The following PDXDC1 variants were observed in gnomAD, a reference collection of about 807,000 sequenced individuals.
PDXDC1 encodes the protein pyridoxal-dependent decarboxylase domain-containing protein 1.
PDXDC1 carries 42 observed loss-of-function variants against 100.1 expected under a neutral mutation model. That is an observed-to-expected ratio of 0.42 (90% CI 0.33 to 0.54). PDXDC1 has a LOEUF of 0.54. PDXDC1 is among the 20% of genes least tolerant of loss of function. PDXDC1 has a pLI of 0.10. For missense variants in PDXDC1, 636 were observed against 979.2 expected (o/e 0.65, Z 4.68); for synonymous variants, 260 against 371.7 (o/e 0.70, Z 3.46).
At chr16:15,010,831 CATTT>C (rs2041200346) in intron 8 of PDXDC1, among the ~76,000 whole-genome samples, 1 of 152,256 alleles carries the variant, frequency 6.6e-6, no homozygotes, top group African/African-American at 2.4e-5. Flanking sequence ...TTTTAAATGT[CATTT>C]ATAATAGGAT....
chr16:15,148,103 C>T, the PDXDC1 span, among the ~76,000 whole-genome samples: 1 of 151,784 alleles, frequency 6.6e-6, no homozygotes, highest in Non-Finnish European at 1.5e-5. Flanking sequence ...ATCCTCCCCC[C>T]TCAGCCTCCC....
intron 16 of PDXDC1, among the ~76,000 whole-genome samples, chr16:15,056,345 A>C (rs769458438): frequency 1.1e-4 from 16 of 152,216 alleles, no homozygotes; most frequent in Non-Finnish European, 2.1e-4. Flanking sequence ...CCTCCGGGCG[A>C]GTTCCTGGGG....
intron 16 of PDXDC1, chr16:15,068,386 T>C: frequency 2.2e-6 from 3 of 1,386,228 alleles, no homozygotes; most frequent in South Asian, 3.0e-5. Context: ...CTTTAAAAAA[T>C]TATTTGCAGA....
intron 16 of PDXDC1, among the ~76,000 whole-genome samples, chr16:15,091,657 G>A (rs538503470): frequency 8.6e-5 from 13 of 152,044 alleles, no homozygotes; most frequent in Non-Finnish European, 1.5e-4. Context: ...AAAGCATGAG[G>A]GAAAAAAACA....
At chr16:14,974,988 A>G (rs1469725793), upstream of PDXDC1, 1 of 1,535,086 alleles carries the variant, frequency 6.5e-7, no homozygotes, top group Non-Finnish European at 8.7e-7. Flanking sequence ...GGAATCCCAG[A>G]GGGCTCCGCC....
chr16:15,148,401 T>G, the PDXDC1 span, among the ~76,000 whole-genome samples: 19 of 102,538 alleles, frequency 1.9e-4, no homozygotes, highest in South Asian at 3.4e-4. Flanking sequence ...TTTTTTTTTT[T>G]GAGACAGGGT....
At chr16:15,125,520 C>T in intron 16 of PDXDC1, 3 of 1,525,016 alleles carry the variant, frequency 2.0e-6, no homozygotes, top group Non-Finnish European at 2.7e-6. Flanking sequence ...TGACCTGCAC[C>T]AGGGCTCGAG....
At chr16:15,017,984 G>A (rs181556731) in intron 11 of PDXDC1, among the ~76,000 whole-genome samples, 18 of 152,330 alleles carry the variant, frequency 1.2e-4, no homozygotes, top group African/African-American at 4.1e-4. Context: ...AGTAGAGGCA[G>A]TGTTTCACCA....
chr16:15,143,913 G>T (rs765169965), downstream of PDXDC1, among the ~76,000 whole-genome samples: 1 of 152,190 alleles, frequency 6.6e-6, no homozygotes, highest in Non-Finnish European at 1.5e-5. Flanking sequence ...TGTGGTCAGC[G>T]GCGGGCGTGT....
At chr16:15,093,824 C>T in intron 16 of PDXDC1, 1 of 412,012 alleles carries the variant, frequency 2.4e-6, no homozygotes, top group East Asian at 5.2e-5. Flanking sequence ...CAGGGAAATC[C>T]CTTCCAAATT....
At chr16:14,990,178 G>T (rs867501865) in intron 1 of PDXDC1, 27 of 1,282,228 alleles carry the variant, frequency 2.1e-5, no homozygotes, top group Non-Finnish European at 2.7e-5. Context: ...CCAGGCGCGG[G>T]CAAGGGCGCG....
Position 15,111,286 on chromosome 16 carries a change from G to A in PDXDC1, c.1400-27593G>A. ...AGCCTCACCAACATGGAGAAACGCT[G>A]TCTCTGCTAAAAATACAAAATTAGC... On this transcript the variant is annotated intron_variant, in intron 16 of 16. Transcript: ENST00000535621. 1.4e-5 allele frequency among the ~76,000 whole-genome samples: 2 copies of A among 146,312 alleles called. 1 individual carries two copies. The highest frequency in any genetic ancestry group is 3.0e-5 in the Non-Finnish European group (2 of 65,646).
intron 16 of PDXDC1, chr16:15,074,983 C>T: frequency 3.9e-6 from 4 of 1,022,116 alleles, no homozygotes; most frequent in Non-Finnish European, 5.6e-6. Context: ...GGGAAAGCGG[C>T]TCACATCTAT....
chr16:14,986,137 A>G (rs1459843387), intron 1 of PDXDC1, among the ~76,000 whole-genome samples: 5 of 152,402 alleles, frequency 3.3e-5, no homozygotes, highest in East Asian at 3.9e-4. Flanking sequence ...TCACGAAGGT[A>G]TGAATAGTAG....
At chr16:15,097,938 C>CTTTTTTT (rs35852184) in intron 16 of PDXDC1, among the ~76,000 whole-genome samples, 33 of 89,634 alleles carry the variant, frequency 3.7e-4, no homozygotes, top group African/African-American at 3.5e-4. Flanking sequence ...CAACATTATG[C>CTTTTTTT]TTTTTTTTTT....
the PDXDC1 span, among the ~76,000 whole-genome samples, chr16:15,144,580 G>A: frequency 1.3e-5 from 2 of 152,146 alleles, no homozygotes; most frequent in African/African-American, 4.8e-5. Context: ...CCCGGACACG[G>A]GGTGTGAGAC....
chr16:15,147,922 T>C, the PDXDC1 span, among the ~76,000 whole-genome samples: 1 of 152,114 alleles, frequency 6.6e-6, no homozygotes, highest in African/African-American at 2.4e-5. Flanking sequence ...CCTGACCTTG[T>C]GATCCCCCCA....
intron 16 of PDXDC1, among the ~76,000 whole-genome samples, chr16:15,082,328 T>C (rs2045741885): frequency 1.3e-5 from 2 of 152,304 alleles, no homozygotes; most frequent in African/African-American, 2.4e-5. Flanking sequence ...ATGTGGTTTT[T>C]GTCCTTTGTT....
intron 13 of PDXDC1, among the ~76,000 whole-genome samples, chr16:15,024,281 G>A (rs1233654749): frequency 6.6e-6 from 1 of 152,276 alleles, no homozygotes; most frequent in African/African-American, 2.4e-5. Context: ...GCTGCTGCTT[G>A]TGAAATTCAT....
Sources: gnomAD v4.1 joint callset for allele counts (sites outside exome capture counted in the v4.1 genomes callset) on GRCh38, gnomAD v4.1.1 for gene constraint, MANE v1.5 for transcripts, NCBI Gene and HGNC (gene_info 2026-07-23, HGNC 2026-07-21) for gene names.